Variants in PHRF1 observed in about 807,000 individuals in gnomAD.
PHRF1 encodes the protein PHD and ring finger domains 1.
A neutral mutation model predicts 128.9 loss-of-function variants in PHRF1; 53 were observed. That is an observed-to-expected ratio of 0.41 (90% CI 0.33 to 0.52). The LOEUF (loss-of-function observed/expected upper bound fraction) is 0.52, where lower values mean the gene tolerates loss of function less well. PHRF1 is among the 20% of genes least tolerant of loss of function. The pLI, the probability that PHRF1 is intolerant of heterozygous loss-of-function variation, is 0.21. For synonymous variants in PHRF1, 1,178 were observed against 980.6 expected (o/e 1.20, Z -3.76); for missense variants, 2,503 against 2,284.5 (o/e 1.10, Z -1.95).
intron 1 of PHRF1, 70 bp from the exon 2 acceptor site, chr11:581,422 T>C: frequency 7.4e-7 from 1 of 1,351,884 alleles, no homozygotes; most frequent in South Asian, 1.3e-5. Flanking sequence ...TGGGGAGAGG[T>C]CATAACTCTT....
chr11:581,087 G>C (rs1854174134), intron 1 of PHRF1, among the ~76,000 whole-genome samples: 1 of 151,738 alleles, frequency 6.6e-6, no homozygotes, highest in Non-Finnish European at 1.5e-5. Flanking sequence ...GCCTCCCAAA[G>C]TGCTGGGATT....
chr11:597,614 C>T lies in PHRF1; in HGVS notation c.894+44C>T, dbSNP rs1855371938. 1.1e-5 allele frequency: 17 copies of T among 1,568,304 alleles called. No individual in the cohort carries two copies. Among genetic ancestry groups the T allele is most frequent in the Non-Finnish European group, 1.5e-5 (17 of 1,157,650 alleles). The stretch of plus-strand genomic sequence containing the variant: ...ACGCCAGTCGTAGAACCCCAGCTGC[C>T]CAGAGTGATCTCGGCAGTCTGGGTG... On this transcript the variant is annotated intron_variant, in intron 8 of 17. Transcript: ENST00000264555. This position sits in a 1 kb window ranked among gnomAD's most constrained non-coding sequence, Gnocchi z 6.5.
chr11:596,644 T>C (rs1457538918), intron 6 of PHRF1, among the ~76,000 whole-genome samples: 1 of 152,236 alleles, frequency 6.6e-6, no homozygotes, highest in East Asian at 1.9e-4. Context: ...GGAGGCCCCC[T>C]TCCTGACTTA....
At chr11:605,398 G>A (rs936562219) in intron 11 of PHRF1, 98 bp downstream of exon 11, 1 of 1,507,852 alleles carries the variant, frequency 6.6e-7, no homozygotes. Flanking sequence ...GTTAGGTTTT[G>A]TGTTTGAGAG....
In PHRF1 at chr11:608,592, C is replaced by T. The variant is rs562913591; in HGVS notation, c.3136C>T (p.Arg1046Trp). 61 of 1,612,118 alleles carry T rather than the reference C, an allele frequency of 3.8e-5. No individual in the cohort carries two copies. The highest frequency in any genetic ancestry group is 2.1e-4 in the African/African-American group (16 of 75,038). The change falls in exon 14 of 18, where the codon CGG becomes TGG. Residue 1046 changes from arginine to tryptophan, a missense_variant. Transcript: ENST00000264555. ...SVGEERPRRQ[R>W]SKAKSRRSSS... ...GGGTGAGGAGCGCCCCAGGAGGCAG[C>T]GGTCCAAGGCCAAGAGCCGGCGGTC...
chr11:583,474 G>A (rs532536475), intron 3 of PHRF1, among the ~76,000 whole-genome samples: 21 of 152,270 alleles, frequency 1.4e-4, no homozygotes, highest in African/African-American at 3.6e-4. Flanking sequence ...CTGAGATCAC[G>A]CCACCACACT....
At position 608,916 on chromosome 11, in the gene PHRF1, T is replaced by C. The variant is rs1348877881; in HGVS notation, c.3460T>C (p.Trp1154Arg). The C allele has an allele frequency of 6.2e-7, 1 of 1,611,056 alleles. No individual in the cohort carries two copies. Among genetic ancestry groups the C allele is most frequent in the African/African-American group, 1.3e-5 (1 of 74,382 alleles). The change falls in exon 14 of 18, where the codon TGG (tryptophan) becomes CGG (arginine). Residue 1154 changes from tryptophan to arginine, a missense_variant. By Grantham distance (101) the Trp-to-Arg change is moderately radical. Coordinates refer to ENST00000264555, the MANE Select transcript of PHRF1 (RefSeq NM_001286581.2). ...ERPDRKESVA[W>R]PRDRRKRRSR... ...GCCAGACAGGAAGGAGAGTGTGGCG[T>C]GGCCCCGAGACCGGAGGAAGCGGAG...
At chr11:595,291 C>G (rs1244639519) in intron 6 of PHRF1, among the ~76,000 whole-genome samples, 1 of 152,172 alleles carries the variant, frequency 6.6e-6, no homozygotes, top group African/African-American at 2.4e-5. Context: ...CCACTGCACT[C>G]CAGAGAGACT....
chr11:605,597 C>T lies in PHRF1; in HGVS notation c.1335-8C>T, dbSNP rs920520281. On this transcript the variant is annotated splice_polypyrimidine_tract_variant and splice_region_variant and intron_variant, in intron 11 of 17. Transcript: ENST00000264555. The stretch of plus-strand genomic sequence containing the variant: ...CTTGTTCCCTTTGGCCTGTGTCCTC[C>T]CCTCTAGCAGTGAAGAGCTTTCTGC... 6.2e-7 allele frequency: 1 copy of T among 1,612,934 alleles called. No homozygotes were observed. The highest frequency in any genetic ancestry group is 1.3e-5 in the African/African-American group (1 of 75,036).
chr11:592,593 A>G lies in PHRF1; in HGVS notation c.539A>G (p.Glu180Gly), dbSNP rs1048541124. 7 of 1,613,926 alleles carry G rather than the reference A, an allele frequency of 4.3e-6. No homozygotes were observed. Among genetic ancestry groups the G allele is most frequent in the African/African-American group, 1.3e-5 (1 of 74,950 alleles). The change falls in exon 6 of 18, where the codon GAG becomes GGG. Residue 180 changes from glutamate to glycine, a missense_variant. Glu to Gly is a moderately conservative substitution (Grantham distance 98). Transcript: ENST00000264555. ...GAGAACACCAAAGCGAGCGAGGAGGAGGAGGACCCGACCTTCTGTGAGGTG... is the reference window on the plus strand; with the variant it reads ...GAGAACACCAAAGCGAGCGAGGAGGGGGAGGACCCGACCTTCTGTGAGGTG... The part of the protein sequence containing the change: ...PVENTKASEE[E>G]EDPTFCEVCG...
At chr11:609,778 C>A in intron 14 of PHRF1, 58 bp downstream of exon 14, 1 of 1,266,278 alleles carries the variant, frequency 7.9e-7, no homozygotes, top group Non-Finnish European at 1.1e-6. Flanking sequence ...AGGCCCTGGC[C>A]CCCGCCGAGG....
intron 4 of PHRF1, among the ~76,000 whole-genome samples, chr11:588,478 C>A (rs1269715007): frequency 6.6e-6 from 1 of 151,974 alleles, no homozygotes; most frequent in African/African-American, 2.4e-5. Flanking sequence ...CTTCCGGGTT[C>A]AAGCGATTCT....
chr11:577,023 G>T (rs1262586798), intron 1 of PHRF1, among the ~76,000 whole-genome samples: 2 of 152,194 alleles, frequency 1.3e-5, no homozygotes. Flanking sequence ...CTGCGAGTCC[G>T]CCCTGCCGCG....
chr11:588,082 C>G lies in PHRF1; in HGVS notation c.420+618C>G, dbSNP rs939847211. ...CTGTACTCAGGGCTCAGCTCCGACA[C>G]CACTACCTCTTGACTCCCTCCCCTC... is the stretch of plus-strand genomic sequence containing the variant. On this transcript the variant is annotated intron_variant, in intron 4 of 17. Transcript: ENST00000264555. 3.3e-5 allele frequency among the ~76,000 whole-genome samples: 5 copies of G among 152,286 alleles called. No individual in the cohort carries two copies. In the South Asian group the frequency reaches 1.0e-3, roughly 32 times the overall value.
At chr11:599,332 C>T (rs1186735875) in intron 9 of PHRF1, among the ~76,000 whole-genome samples, 7 of 143,088 alleles carry the variant, frequency 4.9e-5, no homozygotes, top group Non-Finnish European at 1.1e-4. Context: ...CTCACTGCAT[C>T]CTCCACCTTC....
Position 608,579 on chromosome 11 carries a change from C to T in PHRF1, c.3123C>T (p.Arg1041=), listed in dbSNP as rs1302374145. The T allele has an allele frequency of 1.2e-6, 2 of 1,612,130 alleles. No individual in the cohort carries two copies. The highest frequency in any genetic ancestry group is 1.7e-5 in the Admixed American group (1 of 59,960). ...CGTCACCATCAGTGGGTGAGGAGCG[C>T]CCCAGGAGGCAGCGGTCCAAGGCCA... ...RSASPSVGEE[R]PRRQRSKAKS... is the part of the protein sequence containing the mutation. Residue 1041 remains arginine (R), a synonymous_variant, in exon 14 of 18, where the codon CGC becomes CGT. Transcript: ENST00000264555.
At position 611,896 on chromosome 11, in the gene PHRF1, G is replaced by T. The variant is rs1407384487; in HGVS notation, c.*119G>T. On this transcript the variant is annotated 3_prime_UTR_variant, in exon 18 of 18. Transcript: ENST00000264555. ...GGCCATGCCCGGGGAGCTGTCGGGA[G>T]TGGCGGGAAATGGGGGGCATCACCA... is the stretch of plus-strand genomic sequence containing the variant. 2 of 1,456,000 alleles carry T rather than the reference G, an allele frequency of 1.4e-6. No individual in the cohort carries two copies. The highest frequency in any genetic ancestry group is 9.1e-7 in the Non-Finnish European group (1 of 1,101,304). 90.2% of individuals were successfully genotyped at this position (1,456,000 alleles called of 1,614,324 possible).
chr11:604,769 C>T (rs1855844138), intron 10 of PHRF1, among the ~76,000 whole-genome samples: 3 of 152,204 alleles, frequency 2.0e-5, no homozygotes, highest in African/African-American at 7.2e-5. Flanking sequence ...GCCTTGGGCT[C>T]CCAGAATGCT....
chr11:601,168 G>A (rs2133024739), intron 9 of PHRF1, among the ~76,000 whole-genome samples: 1 of 152,192 alleles, frequency 6.6e-6, no homozygotes, highest in Admixed American at 6.5e-5. Flanking sequence ...AATTTGGGCA[G>A]GCGTGGTGGC....
Sources: gnomAD v4.1 joint callset for allele counts (sites outside exome capture counted in the v4.1 genomes callset) on GRCh38, gnomAD v4.1.1 for gene constraint, Gnocchi (gnomAD v3.1) non-coding constraint, MANE v1.5 for transcripts, NCBI Gene and HGNC (gene_info 2026-07-23, HGNC 2026-07-21) for gene names.